The following ALG12 variants were observed in gnomAD, a reference collection of about 807,000 sequenced individuals.
ALG12 encodes ALG12 alpha-1,6-mannosyltransferase.
In ALG12, 36 loss-of-function variants were observed where a neutral mutation model predicts 46.0. The observed-to-expected ratio is 0.78, with a 90% CI of 0.60 to 1.03. ALG12 has a LOEUF of 1.03. Among genes scored for constraint, ALG12 ranks in the 50% least tolerant of loss-of-function variants. ALG12 has a pLI of 0.00. For synonymous variants in ALG12, 326 were observed against 291.6 expected (o/e 1.12, Z -1.20); for missense variants, 599 against 633.5 (o/e 0.95, Z 0.58).
At chr22:49,913,279 G>A (rs2060589943) in intron 3 of ALG12, 106 bp downstream of exon 3, 7 of 1,552,334 alleles carry the variant, frequency 4.5e-6, no homozygotes, top group African/African-American at 1.4e-5. Flanking sequence ...GGGCAGGCAA[G>A]ACTAACAGAC....
the ALG12 span, chr22:49,885,239 C>T: frequency 3.7e-6 from 6 of 1,606,436 alleles, no homozygotes; most frequent in Admixed American, 1.0e-4. Context: ...TCTCCGTATG[C>T]CACTTTGGCC....
At chr22:49,909,131 T>G (rs1272895521) in intron 6 of ALG12, 113 bp downstream of exon 6, 1 of 1,177,536 alleles carries the variant, frequency 8.5e-7, no homozygotes, top group Non-Finnish European at 1.3e-6. Flanking sequence ...ATCCTGACCC[T>G]GCAGCCACGC....
chr22:49,883,644 G>A, the ALG12 span: 14 of 1,524,584 alleles, frequency 9.2e-6, no homozygotes, highest in East Asian at 1.4e-4. Flanking sequence ...AGATACAGCC[G>A]GAGTAGTTAT....
chr22:49,884,955 G>A, the ALG12 span: 1 of 1,611,566 alleles, frequency 6.2e-7, no homozygotes, highest in Non-Finnish European at 8.5e-7. Context: ...CTGAGAAGCA[G>A]CAGGCTGATG....
At position 49,910,443 on chromosome 22, in the gene ALG12, G is replaced by C; in HGVS notation, c.460C>G (p.Leu154Val). 1 of 1,613,466 alleles carries C rather than the reference G, an allele frequency of 6.2e-7. No individual in the cohort carries two copies. Among genetic ancestry groups the C allele is most frequent in the Non-Finnish European group, 8.5e-7 (1 of 1,179,952 alleles). Reference protein sequence around the residue: ...CTRTLPNVLALPVVLLALAAW... With the variant: ...CTRTLPNVLAVPVVLLALAAW... The stretch of plus-strand genomic sequence containing the variant: ...GCCGGCAGCTACGTACCTACAGGCA[G>C]GGCCAGCACATTGGGCAGTGTCCGC... Residue 154 changes from leucine to valine, a missense_variant, in exon 4 of 10, where the codon CTG becomes GTG. By Grantham distance (32) the Leu-to-Val change is conservative. Coordinates refer to ENST00000330817, the MANE Select transcript of ALG12 (RefSeq NM_024105.4).
chr22:49,876,756 A>T, the ALG12 span, among the ~76,000 whole-genome samples: 2 of 152,224 alleles, frequency 1.3e-5, no homozygotes, highest in Non-Finnish European at 1.5e-5. Context: ...TTGCTCGAGT[A>T]TATCGACTTT....
At chr22:49,876,803 T>G in the ALG12 span, among the ~76,000 whole-genome samples, 1 of 152,192 alleles carries the variant, frequency 6.6e-6, no homozygotes, top group Non-Finnish European at 1.5e-5. Context: ...TGGCATTCTG[T>G]TTTTAGTAGT....
the ALG12 span, chr22:49,886,949 A>G: frequency 6.2e-7 from 1 of 1,614,080 alleles, no homozygotes; most frequent in Non-Finnish European, 8.5e-7. This position sits in a 1 kb window ranked among gnomAD's most constrained non-coding sequence, Gnocchi z 7.7. Context: ...GTGCTTGAAC[A>G]CAGCTGTGAC....
chr22:49,884,997 C>T, the ALG12 span: 199 of 1,613,226 alleles, frequency 1.2e-4, no homozygotes, highest in Non-Finnish European at 1.6e-4. Flanking sequence ...AATCTGGCGC[C>T]ATCTTCCAGC....
chr22:49,907,990 C>G, intron 6 of ALG12, 46 bp from the exon 7 acceptor site: 1 of 1,584,770 alleles, frequency 6.3e-7, no homozygotes, highest in Non-Finnish European at 8.6e-7. Context: ...ACGCATGAGC[C>G]CGTGGGCTAG....
At chr22:49,894,623 TA>T in the ALG12 span, among the ~76,000 whole-genome samples, 2 of 152,154 alleles carry the variant, frequency 1.3e-5, no homozygotes, top group Non-Finnish European at 2.9e-5. Flanking sequence ...ACAACAATGC[TA>T]AACATAAAAG....
At chr22:49,862,294 G>A in the ALG12 span, among the ~76,000 whole-genome samples, 66 of 152,154 alleles carry the variant, frequency 4.3e-4, no homozygotes, top group African/African-American at 1.5e-3. Context: ...TTTTTTGTGC[G>A]GCGGAGGCCT....
At chr22:49,885,449 G>A in the ALG12 span, 1 of 1,611,320 alleles carries the variant, frequency 6.2e-7, no homozygotes, top group South Asian at 1.1e-5. Context: ...ACTAACTTGG[G>A]TACCAGCTGT....
the ALG12 span, chr22:49,889,110 G>A: frequency 6.0e-6 from 1 of 167,224 alleles, no homozygotes; most frequent in Admixed American, 6.5e-5. Context: ...GAGATGAAGT[G>A]CCCTCCCTTT....
the ALG12 span, chr22:49,884,670 C>T: frequency 2.7e-5 from 44 of 1,609,608 alleles, no homozygotes; most frequent in East Asian, 8.9e-5. Context: ...GGGCACACCG[C>T]GCCATCGTGT....
chr22:49,864,944 C>G, the ALG12 span, among the ~76,000 whole-genome samples: 2 of 85,940 alleles, frequency 2.3e-5, no homozygotes, highest in Non-Finnish European at 4.0e-5. Context: ...CAAGCCCCCC[C>G]CCCCCCCCGT....
Position 49,918,387 on chromosome 22 carries a change from C to G in ALG12, c.-203G>C, listed in dbSNP as rs9616379. 3.8e-3 allele frequency: 628 copies of G among 164,310 alleles called. 11 individuals are homozygous for G. Among genetic ancestry groups the G allele is most frequent in the African/African-American group, 0.014 (602 of 42,034 alleles). The allele number at this position is 164,310 out of a possible 1,614,324, so 10.2% of individuals were successfully genotyped here. A position where few individuals can be genotyped will look rare whatever the true frequency, so the allele number is the denominator to read the frequency against. ...CCTTGCCCAAATCTAAAGTGGCTAC[C>G]GCAGCCCCGGCCGCTACGGCCGCAG... On this transcript the variant is annotated 5_prime_UTR_variant, in exon 1 of 10. Coordinates refer to ENST00000330817, the MANE Select transcript of ALG12 (RefSeq NM_024105.4).
At chr22:49,914,460 A>C (rs2060598997) in intron 1 of ALG12, among the ~76,000 whole-genome samples, 2 of 152,218 alleles carry the variant, frequency 1.3e-5, no homozygotes, top group African/African-American at 2.4e-5. Context: ...CAAAGGTGGC[A>C]CCACACTGGC....
At chr22:49,859,500 C>T in the ALG12 span, among the ~76,000 whole-genome samples, 1 of 152,112 alleles carries the variant, frequency 6.6e-6, no homozygotes, top group African/African-American at 2.4e-5. Context: ...GTCCCAGGCT[C>T]ACGGTGATGT....
Sources: gnomAD v4.1 joint callset for allele counts (sites outside exome capture counted in the v4.1 genomes callset) on GRCh38, gnomAD v4.1.1 for gene constraint, Gnocchi (gnomAD v3.1) non-coding constraint, MANE v1.5 for transcripts, NCBI Gene and HGNC (gene_info 2026-07-23, HGNC 2026-07-21) for gene names.